Variants in TANC2 observed in about 807,000 individuals in gnomAD.
TANC2 encodes the protein tetratricopeptide repeat, ankyrin repeat and coiled-coil containing 2, also known as protein TANC2.
Under a neutral mutation model 210.5 loss-of-function variants are expected in TANC2, and 26 were observed. The observed-to-expected ratio is 0.12, with a 90% CI of 0.09 to 0.17. The LOEUF (loss-of-function observed/expected upper bound fraction) is 0.17, where lower values mean the gene tolerates loss of function less well. TANC2 is among the 10% of genes least tolerant of loss of function. The probability of loss-of-function intolerance (pLI) is 1.00; values close to 1 mark genes in which losing one functional copy is unlikely to be tolerated. For missense variants in TANC2, 2,129 were observed against 2,608.9 expected (o/e 0.82, Z 4.01); for synonymous variants, 931 against 967.1 (o/e 0.96, Z 0.69).
At position 63,005,800 on chromosome 17, in the gene TANC2, T is replaced by C. The variant is rs143136037; in HGVS notation, c.-23-3737T>C. Among the ~76,000 whole-genome samples the C allele has an allele frequency of 1.5e-3, 230 of 152,158 alleles. 2 individuals are homozygous for C. The East Asian group carries it at 0.036, about 24-fold the overall frequency. Reference sequence around the variant, plus strand: ...AAATGTGTGGGGAAGTATTTCCTTTTTCTTTTATTTTCTTAAATAATTTTT... The same window carrying C: ...AAATGTGTGGGGAAGTATTTCCTTTCTCTTTTATTTTCTTAAATAATTTTT... On this transcript the variant is annotated intron_variant, in intron 1 of 27. Transcript: ENST00000689528.
chr17:62,970,743 G>T (rs1598163125), intron 1 of TANC2, among the ~76,000 whole-genome samples: 2 of 152,220 alleles, frequency 1.3e-5, no homozygotes, highest in Admixed American at 1.3e-4. Context: ...ACTCTGATTG[G>T]GCACACTAGC....
chr17:63,352,371 A>G (rs1441449105), intron 13 of TANC2, among the ~76,000 whole-genome samples: 1 of 152,136 alleles, frequency 6.6e-6, no homozygotes. Flanking sequence ...ATGAGAAACT[A>G]TATTTCTAAT....
intron 27 of TANC2, among the ~76,000 whole-genome samples, chr17:63,419,764 C>A (rs530776709): frequency 9.8e-5 from 15 of 152,292 alleles, no homozygotes; most frequent in Non-Finnish European, 1.9e-4. Context: ...CATTTCTCCA[C>A]TATTCCCAGA....
At chr17:63,049,933 G>T (rs763782594) in intron 2 of TANC2, among the ~76,000 whole-genome samples, 1 of 152,116 alleles carries the variant, frequency 6.6e-6, no homozygotes, top group Non-Finnish European at 1.5e-5. Context: ...TGACTCCACG[G>T]TTTTTGGCTT....
intron 7 of TANC2, among the ~76,000 whole-genome samples, chr17:63,216,342 C>T (rs975496846): frequency 6.6e-6 from 1 of 152,208 alleles, no homozygotes; most frequent in Non-Finnish European, 1.5e-5. Context: ...AGCCACCATG[C>T]CCGGCCAGCT....
rs191590872 is a variant in TANC2, at chr17:63,233,826, A to T, written c.770-3988A>T. On this transcript the variant is annotated intron_variant, in intron 7 of 27. Coordinates refer to ENST00000689528, the Ensembl canonical transcript of TANC2. ...CCCTTGTGAATGTTTTTGTCTTTGG[A>T]TAAACCATTGTTTTTTCGTCTTTAC... Among the ~76,000 whole-genome samples the T allele has an allele frequency of 1.1e-3, 174 of 152,306 alleles. 2 individuals carry two copies. Among genetic ancestry groups the T allele is most frequent in the African/African-American group, 3.9e-3 (161 of 41,562 alleles).
chr17:63,079,434 A>T (rs1237067164), intron 3 of TANC2, among the ~76,000 whole-genome samples: 1 of 152,098 alleles, frequency 6.6e-6, no homozygotes, highest in Non-Finnish European at 1.5e-5. Flanking sequence ...TTGCTGGTTC[A>T]TCATTCTTTC....
intron 4 of TANC2, among the ~76,000 whole-genome samples, chr17:63,135,893 T>C (rs893136052): frequency 4.6e-5 from 7 of 152,206 alleles, no homozygotes; most frequent in African/African-American, 1.7e-4. Context: ...GTTAAACTTA[T>C]TGGCAGTTGA....
chr17:63,283,582 G>A (rs959532006), intron 9 of TANC2, among the ~76,000 whole-genome samples: 7 of 151,830 alleles, frequency 4.6e-5, no homozygotes, highest in African/African-American at 1.4e-4. Context: ...GATAATTTGG[G>A]AGAAAATTGA....
chr17:63,178,332 CA>C (rs201264145), intron 5 of TANC2, among the ~76,000 whole-genome samples: 2 of 150,594 alleles, frequency 1.3e-5, no homozygotes, highest in Non-Finnish European at 3.0e-5. Flanking sequence ...GACTCTGTCT[CA>C]AAAAAAAACA....
At chr17:63,057,314 T>G (rs1265753529) in intron 2 of TANC2, among the ~76,000 whole-genome samples, 1 of 152,208 alleles carries the variant, frequency 6.6e-6, no homozygotes, top group African/African-American at 2.4e-5. Context: ...AAAATTGACT[T>G]AAGACTGTAT....
At chr17:63,368,807 A>G (rs576843302) in intron 14 of TANC2, among the ~76,000 whole-genome samples, 79 of 152,340 alleles carry the variant, frequency 5.2e-4, no homozygotes, top group Middle Eastern at 3.4e-3. Flanking sequence ...AATTTTAGCA[A>G]TGAAGGAAGG....
intron 4 of TANC2, among the ~76,000 whole-genome samples, chr17:63,136,547 A>G (rs772032706): frequency 1.3e-5 from 2 of 152,216 alleles, no homozygotes; most frequent in Admixed American, 6.5e-5. Flanking sequence ...GCCTGGCACT[A>G]TTATAGGCAG....
intron 5 of TANC2, among the ~76,000 whole-genome samples, chr17:63,159,716 C>T (rs1009794531): frequency 1.3e-5 from 2 of 152,018 alleles, no homozygotes; most frequent in African/African-American, 2.4e-5. Flanking sequence ...GGAGGATATA[C>T]GTAGGATATA....
intron 8 of TANC2, among the ~76,000 whole-genome samples, chr17:63,252,669 C>T (rs2043084294): frequency 1.3e-5 from 2 of 152,134 alleles, no homozygotes; most frequent in Non-Finnish European, 2.9e-5. Context: ...TGGCTTATTT[C>T]ACTTAACATA....
At chr17:63,073,998 A>T in exon 3 of TANC2, 2 of 1,584,244 alleles carry the variant, frequency 1.3e-6, no homozygotes, top group Non-Finnish European at 1.7e-6. Context: ...ACTCTCGCCA[A>T]AGCCGCTCTG....
chr17:63,162,165 A>G (rs937975092), intron 5 of TANC2, among the ~76,000 whole-genome samples: 29 of 152,106 alleles, frequency 1.9e-4, no homozygotes, highest in Non-Finnish European at 4.4e-5. Context: ...AAAGCCAGGC[A>G]TGGTGGCATG....
chr17:63,419,851 T>C, intron 27 of TANC2, 148 bp from the exon 28 acceptor site: 1 of 903,730 alleles, frequency 1.1e-6, no homozygotes, highest in South Asian at 1.8e-5. Flanking sequence ...TCCTGTTTCC[T>C]TCCCTATAAA....
chr17:63,354,331 G>A (rs1158011838), intron 13 of TANC2, among the ~76,000 whole-genome samples: 1 of 152,124 alleles, frequency 6.6e-6, no homozygotes. Context: ...TGTTGTGTGG[G>A]AAATTTTTTT....
Sources: gnomAD v4.1 joint callset for allele counts (sites outside exome capture counted in the v4.1 genomes callset) on GRCh38, gnomAD v4.1.1 for gene constraint, MANE v1.5 for transcripts, NCBI Gene and HGNC (gene_info 2026-07-23, HGNC 2026-07-21) for gene names.